The following CNTNAP2 variants were observed in gnomAD, a reference collection of about 807,000 sequenced individuals.
CNTNAP2 encodes the protein contactin-associated protein-like 2.
Under a neutral mutation model 155.2 loss-of-function variants are expected in CNTNAP2, and 98 were observed. The observed-to-expected ratio is 0.63, with a 90% confidence interval of 0.54 to 0.75. The LOEUF is 0.75. Ranked by LOEUF, CNTNAP2 falls within the 30% of genes least tolerant of loss-of-function variation. The probability of loss-of-function intolerance (pLI) is 0.00; values close to 1 mark genes in which losing one functional copy is unlikely to be tolerated. For synonymous variants in CNTNAP2, 651 were observed against 631.2 expected, an observed-to-expected ratio of 1.03 and a Z score of -0.47; for missense variants, 1,727 against 1,688.1, an observed-to-expected ratio of 1.02 and a Z score of -0.40.
chr7:146,248,563 A>G (rs1799703431), intron 1 of CNTNAP2, among the ~76,000 whole-genome samples: 1 of 152,156 alleles, frequency 6.6e-6, no homozygotes, highest in Non-Finnish European at 1.5e-5. Flanking sequence ...AGGAATTGAA[A>G]TTAAAAGAAG....
intron 14 of CNTNAP2, among the ~76,000 whole-genome samples, chr7:147,956,748 G>T (rs185759674): frequency 6.6e-6 from 1 of 152,176 alleles, no homozygotes; most frequent in African/African-American, 2.4e-5. Context: ...TTGGGGACAG[G>T]AAGAAGATTT....
chr7:147,883,866 A>G (rs1563123029), intron 13 of CNTNAP2, among the ~76,000 whole-genome samples: 2 of 152,378 alleles, frequency 1.3e-5, no homozygotes, highest in Non-Finnish European at 2.9e-5. Context: ...GGTGCTATTT[A>G]TCAGAAACCA....
intron 8 of CNTNAP2, among the ~76,000 whole-genome samples, chr7:147,195,469 T>C (rs1353816233): frequency 6.6e-6 from 1 of 152,176 alleles, no homozygotes; most frequent in East Asian, 1.9e-4. Flanking sequence ...AGAATGTCAC[T>C]AGTAGTTTCA....
chr7:147,093,254 A>G (rs570182207), intron 4 of CNTNAP2, among the ~76,000 whole-genome samples: 85 of 150,742 alleles, frequency 5.6e-4, no homozygotes, highest in Middle Eastern at 3.4e-3. Flanking sequence ...AAAAAAAAAA[A>G]AAAAAGAAAA....
intron 8 of CNTNAP2, among the ~76,000 whole-genome samples, chr7:147,286,590 A>G (rs1020624527): frequency 6.6e-6 from 1 of 152,146 alleles, no homozygotes. Context: ...AGAATGATGA[A>G]TTATATAAAC....
chr7:147,306,569 A>G (rs1489497361), intron 9 of CNTNAP2, among the ~76,000 whole-genome samples: 2 of 152,234 alleles, frequency 1.3e-5, no homozygotes, highest in Non-Finnish European at 2.9e-5. Context: ...AAAAAAACAA[A>G]GTGTAAATGA....
chr7:148,235,683 T>C (rs996367142), intron 20 of CNTNAP2, among the ~76,000 whole-genome samples: 1 of 81,920 alleles, frequency 1.2e-5, no homozygotes, highest in African/African-American at 4.1e-5. Context: ...TGTGCAGCAA[T>C]TATTTTTTTT....
chr7:147,025,235 G>A (rs1327610920), intron 3 of CNTNAP2, among the ~76,000 whole-genome samples: 9 of 138,434 alleles, frequency 6.5e-5, no homozygotes, highest in African/African-American at 1.7e-4. Context: ...TCAGTAAGCC[G>A]GAATCATGCC....
chr7:147,342,411 A>G (rs909547741), intron 9 of CNTNAP2, among the ~76,000 whole-genome samples: 1 of 151,362 alleles, frequency 6.6e-6, no homozygotes, highest in Non-Finnish European at 1.5e-5. Flanking sequence ...CCACTTAATG[A>G]TAATAATGTT....
intron 1 of CNTNAP2, among the ~76,000 whole-genome samples, chr7:146,751,997 TGCC>T (rs1305929916): frequency 6.6e-6 from 1 of 152,208 alleles, no homozygotes; most frequent in African/African-American, 2.4e-5. Flanking sequence ...GGTGTATATG[TGCC>T]ACCTTTTCTT....
intron 1 of CNTNAP2, among the ~76,000 whole-genome samples, chr7:146,479,283 T>G (rs1235936867): frequency 6.6e-6 from 1 of 152,200 alleles, no homozygotes; most frequent in Admixed American, 6.5e-5. Flanking sequence ...AGATGAGTTA[T>G]CTATGAATTG....
chr7:147,079,339 C>T (rs1366606329), intron 4 of CNTNAP2, among the ~76,000 whole-genome samples: 1 of 152,014 alleles, frequency 6.6e-6, no homozygotes, highest in African/African-American at 2.4e-5. Flanking sequence ...CCTGCCACCA[C>T]ACCACGGCCT....
At chr7:148,306,783 G>A (rs1797498957) in intron 21 of CNTNAP2, among the ~76,000 whole-genome samples, 1 of 152,054 alleles carries the variant, frequency 6.6e-6, no homozygotes, top group East Asian at 1.9e-4. Context: ...GTGTGTGTGT[G>A]TGTATATGTG....
At position 147,977,906 on chromosome 7, in the gene CNTNAP2, T is replaced by C. The variant is rs2116865159; in HGVS notation, c.2300T>C (p.Val767Ala). The change falls in exon 15 of 24, where the codon GTG (valine) becomes GCG (alanine). Residue 767 changes from valine (V) to alanine (A), a missense_variant. Val to Ala is a moderately conservative substitution (Grantham distance 64, BLOSUM62 0). Coordinates refer to ENST00000361727, the MANE Select transcript of CNTNAP2 (RefSeq NM_014141.6). Reference sequence around the variant, plus strand: ...TTATCATACAAAGATCACCTGCCAGTGAGCCAAGTGGTGGTTGGAGATACT... The same window carrying C: ...TTATCATACAAAGATCACCTGCCAGCGAGCCAAGTGGTGGTTGGAGATACT... ...GFLSYKDHLPVSQVVVGDTDR... is the reference protein window; with the variant it reads ...GFLSYKDHLPASQVVVGDTDR... 1 of 1,614,012 alleles carries C rather than the reference T, an allele frequency of 6.2e-7. No homozygotes were observed. The highest frequency in any genetic ancestry group is 8.5e-7 in the Non-Finnish European group (1 of 1,179,896).
At chr7:146,627,722 G>A (rs7805144) in intron 1 of CNTNAP2, among the ~76,000 whole-genome samples, 5,284 of 152,168 alleles carry the variant, frequency 0.035, 313 homozygotes, top group African/African-American at 0.12. Context: ...TTGAATTACA[G>A]TTATAATATT....
intron 8 of CNTNAP2, among the ~76,000 whole-genome samples, chr7:147,278,677 GA>G (rs1257369437): frequency 6.6e-6 from 1 of 151,160 alleles, no homozygotes; most frequent in Non-Finnish European, 1.5e-5. Context: ...TTTTTATAAG[GA>G]AAAATAAAGC....
chr7:147,283,156 C>A, intron 8 of CNTNAP2, among the ~76,000 whole-genome samples: 1 of 151,782 alleles, frequency 6.6e-6, no homozygotes, highest in Non-Finnish European at 1.5e-5. Flanking sequence ...CATCTATACC[C>A]CCATCTAATG....
chr7:147,273,104 A>G (rs573338292), intron 8 of CNTNAP2, among the ~76,000 whole-genome samples: 2 of 152,156 alleles, frequency 1.3e-5, no homozygotes, highest in African/African-American at 4.8e-5. Flanking sequence ...TTGAAATCCT[A>G]TGTTCTGCTT....
chr7:147,988,048 T>C (rs1021887257), intron 15 of CNTNAP2, among the ~76,000 whole-genome samples: 3 of 152,230 alleles, frequency 2.0e-5, no homozygotes, highest in African/African-American at 7.2e-5. Context: ...ATTTAAGAAA[T>C]ACGTTGGTTT....
Sources: allele counts gnomAD v4.1 joint callset (sites outside exome capture counted in the v4.1 genomes callset), GRCh38; gene constraint gnomAD v4.1.1; transcripts MANE v1.5; gene names NCBI Gene and HGNC (gene_info 2026-07-23, HGNC 2026-07-21).